Variants in DCC observed in about 807,000 individuals in gnomAD.
DCC encodes netrin receptor DCC.
In DCC, 58 loss-of-function variants were observed where a neutral mutation model predicts 172.5. The observed-to-expected ratio is 0.34, with a 90% CI of 0.27 to 0.42. The LOEUF (loss-of-function observed/expected upper bound fraction) is 0.42, where lower values mean the gene tolerates loss of function less well. Among genes scored for constraint, DCC ranks in the 10% least tolerant of loss-of-function variants. The probability of loss-of-function intolerance (pLI) is 1.00; values close to 1 mark genes in which losing one functional copy is unlikely to be tolerated. For missense variants in DCC, 1,740 were observed against 1,791.0 expected, an observed-to-expected ratio of 0.97 and a Z score of 0.51; for synonymous variants, 709 against 644.5, an observed-to-expected ratio of 1.10 and a Z score of -1.52.
intron 1 of DCC, among the ~76,000 whole-genome samples, chr18:52,565,521 A>G (rs920862981): frequency 2.0e-5 from 3 of 152,076 alleles, no homozygotes; most frequent in African/African-American, 7.2e-5. Context: ...TGACTTTTTA[A>G]TGATCGCCAT....
intron 1 of DCC, among the ~76,000 whole-genome samples, chr18:52,499,895 T>A (rs934339428): frequency 6.6e-6 from 1 of 152,052 alleles, no homozygotes; most frequent in South Asian, 2.1e-4. Flanking sequence ...TATGTCACAA[T>A]CACAATTTAA....
intron 5 of DCC, among the ~76,000 whole-genome samples, chr18:52,940,180 A>T (rs902882359): frequency 2.0e-5 from 3 of 152,210 alleles, no homozygotes; most frequent in Non-Finnish European, 4.4e-5. Flanking sequence ...GAGTAAGGCA[A>T]GACATTTATA....
chr18:52,863,229 C>T (rs1273741373), intron 2 of DCC, among the ~76,000 whole-genome samples: 1 of 151,912 alleles, frequency 6.6e-6, no homozygotes, highest in East Asian at 1.9e-4. Flanking sequence ...GAAAATACAT[C>T]TCACTTTTCT....
chr18:53,283,842 A>G (rs933020463), intron 12 of DCC, among the ~76,000 whole-genome samples: 3 of 152,182 alleles, frequency 2.0e-5, no homozygotes, highest in Non-Finnish European at 4.4e-5. Context: ...TGTCAATGCT[A>G]ATTATAAACT....
intron 7 of DCC, among the ~76,000 whole-genome samples, chr18:53,115,975 G>A (rs530473316): frequency 3.3e-5 from 5 of 151,592 alleles, no homozygotes; most frequent in African/African-American, 1.2e-4. Flanking sequence ...GGGGTTGAGG[G>A]GGGTGCTGTG....
intron 1 of DCC, among the ~76,000 whole-genome samples, chr18:52,603,701 G>A (rs2034064794): frequency 6.7e-6 from 1 of 148,982 alleles, no homozygotes; most frequent in African/African-American, 2.5e-5. Context: ...AAAGAAAAAA[G>A]GAAAAACAGA....
intron 8 of DCC, among the ~76,000 whole-genome samples, chr18:53,177,166 C>G (rs2055112720): frequency 6.9e-6 from 1 of 145,770 alleles, no homozygotes; most frequent in Admixed American, 7.2e-5. Context: ...ATATCACACT[C>G]TGGGGACTGT....
intron 19 of DCC, among the ~76,000 whole-genome samples, chr18:53,409,648 G>T (rs553745777): frequency 3.6e-4 from 55 of 152,246 alleles, no homozygotes; most frequent in Non-Finnish European, 6.5e-4. Flanking sequence ...CCATGAATTT[G>T]TTCGGGTGCA....
At chr18:52,710,113 A>T (rs1333955288) in intron 1 of DCC, among the ~76,000 whole-genome samples, 1 of 152,214 alleles carries the variant, frequency 6.6e-6, no homozygotes, top group Non-Finnish European at 1.5e-5. Flanking sequence ...ATCATTAGAG[A>T]TATGTGTAAG....
At chr18:52,601,921 T>G (rs1476883803) in intron 1 of DCC, among the ~76,000 whole-genome samples, 1 of 152,052 alleles carries the variant, frequency 6.6e-6, no homozygotes, top group East Asian at 1.9e-4. Flanking sequence ...TTGACTTATC[T>G]TCAAATAAAT....
chr18:52,951,808 G>T (rs2040652645), intron 5 of DCC, among the ~76,000 whole-genome samples: 1 of 152,112 alleles, frequency 6.6e-6, no homozygotes, highest in African/African-American at 2.4e-5. Flanking sequence ...GTGTCATTTT[G>T]CATAAATTGC....
intron 5 of DCC, among the ~76,000 whole-genome samples, chr18:53,022,771 C>T (rs2041899483): frequency 6.6e-6 from 1 of 151,722 alleles, no homozygotes; most frequent in Admixed American, 6.6e-5. Flanking sequence ...TCTTGATAAG[C>T]CTTTCTTTTC....
intron 2 of DCC, among the ~76,000 whole-genome samples, chr18:52,846,823 T>C (rs888729069): frequency 1.3e-5 from 2 of 152,102 alleles, no homozygotes; most frequent in African/African-American, 4.8e-5. Context: ...TCAATAACCA[T>C]GGAGATTATG....
intron 5 of DCC, among the ~76,000 whole-genome samples, chr18:52,975,427 T>TG (rs1156983226): frequency 1.3e-5 from 2 of 152,130 alleles, no homozygotes; most frequent in Non-Finnish European, 2.9e-5. Flanking sequence ...ACTTGTGTCA[T>TG]GGGGGGTTGT....
intron 1 of DCC, among the ~76,000 whole-genome samples, chr18:52,511,895 T>A (rs1229571010): frequency 6.6e-6 from 1 of 152,226 alleles, no homozygotes; most frequent in African/African-American, 2.4e-5. Flanking sequence ...CATGTTCTTC[T>A]GAATTTATTA....
intron 1 of DCC, among the ~76,000 whole-genome samples, chr18:52,681,717 G>C (rs993593318): frequency 2.0e-5 from 3 of 152,070 alleles, no homozygotes; most frequent in Admixed American, 2.0e-4. Context: ...AGAGAATGTA[G>C]TACTGGATTG....
At chr18:53,239,300 A>G (rs1239273895) in intron 12 of DCC, among the ~76,000 whole-genome samples, 1 of 151,788 alleles carries the variant, frequency 6.6e-6, no homozygotes, top group African/African-American at 2.4e-5. Context: ...GGGAAGAAAA[A>G]CCTAAAGAAT....
intron 2 of DCC, among the ~76,000 whole-genome samples, chr18:52,775,985 C>A (rs1043783236): frequency 2.6e-5 from 4 of 152,134 alleles, no homozygotes; most frequent in African/African-American, 7.2e-5. Flanking sequence ...CAAGATGTTC[C>A]CAGCACAATA....
intron 2 of DCC, among the ~76,000 whole-genome samples, chr18:52,905,094 T>C (rs1293239781): frequency 6.6e-6 from 1 of 152,158 alleles, no homozygotes; most frequent in Non-Finnish European, 1.5e-5. Context: ...GCCTTCTCTC[T>C]CACCATGCTT....
Sources: gnomAD v4.1 joint callset for allele counts (sites outside exome capture counted in the v4.1 genomes callset) on GRCh38, gnomAD v4.1.1 for gene constraint, MANE v1.5 for transcripts, NCBI Gene and HGNC (gene_info 2026-07-23, HGNC 2026-07-21) for gene names.